The following PSPC1 variants were observed in gnomAD, a reference collection of about 807,000 sequenced individuals.
The protein encoded by PSPC1 is paraspeckle protein 1.
PSPC1 carries 14 observed loss-of-function variants against 51.6 expected under a neutral mutation model. The ratio of observed to expected loss-of-function variants is 0.27; its 90% CI spans 0.18 to 0.42. PSPC1 has a LOEUF of 0.42. PSPC1 is among the 10% of genes least tolerant of loss of function. PSPC1 has a pLI of 1.00. For missense variants in PSPC1, 406 were observed against 701.1 expected, an observed-to-expected ratio of 0.58 and a Z score of 4.75; for synonymous variants, 193 against 231.9, an observed-to-expected ratio of 0.83 and a Z score of 1.53.
At chr13:19,709,513 T>G (rs1248643911) in intron 7 of PSPC1, 29 bp downstream of exon 7, 1 of 1,588,500 alleles carries the variant, frequency 6.3e-7, no homozygotes, top group East Asian at 2.2e-5. Flanking sequence ...AATGATAAAT[T>G]ACAAAAGCCT....
chr13:19,745,852 G>C (rs371281034), intron 4 of PSPC1, among the ~76,000 whole-genome samples: 1 of 151,608 alleles, frequency 6.6e-6, no homozygotes, highest in South Asian at 2.1e-4. Context: ...ATCTCCTGTC[G>C]GCATTAATGT....
chr13:19,696,093 G>A (rs529936594), intron 6 of PSPC1, among the ~76,000 whole-genome samples: 31 of 152,116 alleles, frequency 2.0e-4, no homozygotes, highest in Non-Finnish European at 4.1e-4. Flanking sequence ...AGATAACACT[G>A]ATTGCACCTT....
chr13:19,692,054 A>C (rs909455523), intron 6 of PSPC1, among the ~76,000 whole-genome samples: 1 of 152,198 alleles, frequency 6.6e-6, no homozygotes, highest in Non-Finnish European at 1.5e-5. Flanking sequence ...TCTACCATGT[A>C]GTTGTGATTT....
chr13:19,733,609 A>C (rs959233756), intron 5 of PSPC1, among the ~76,000 whole-genome samples: 5 of 151,702 alleles, frequency 3.3e-5, no homozygotes, highest in Non-Finnish European at 7.4e-5. Context: ...AAAAATACAA[A>C]AAAATTACCC....
At chr13:19,702,499 G>GT (rs1271196658), downstream of PSPC1, 1 of 151,980 alleles carries the variant, frequency 6.6e-6, no homozygotes, top group Non-Finnish European at 1.5e-5. Flanking sequence ...CCTTCAAACA[G>GT]TTTTTTTCAA....
downstream of PSPC1, among the ~76,000 whole-genome samples, chr13:19,699,838 A>T (rs1195882920): frequency 6.6e-6 from 1 of 152,006 alleles, no homozygotes; most frequent in East Asian, 1.9e-4. Context: ...AAGAAGTCTG[A>T]CTTTTTATAT....
At chr13:19,749,767 G>T (rs191420217) in intron 4 of PSPC1, among the ~76,000 whole-genome samples, 7 of 151,842 alleles carry the variant, frequency 4.6e-5, no homozygotes, top group African/African-American at 1.7e-4. Flanking sequence ...AAGTAGCTGG[G>T]ATTACAGGCG....
chr13:19,711,245 T>C (rs1239560166), intron 6 of PSPC1, among the ~76,000 whole-genome samples: 1 of 151,992 alleles, frequency 6.6e-6, no homozygotes, highest in Non-Finnish European at 1.5e-5. Flanking sequence ...TGAGGCGGGG[T>C]GCAGTGGCTC....
intron 7 of PSPC1, chr13:19,675,459 C>T (rs983480804): frequency 6.6e-6 from 1 of 152,162 alleles, no homozygotes; most frequent in African/African-American, 2.4e-5. Flanking sequence ...CTGCAGTTTA[C>T]ACTTATTCTG....
At chr13:19,671,478 A>G (rs974126616), downstream of PSPC1, among the ~76,000 whole-genome samples, 2 of 151,706 alleles carry the variant, frequency 1.3e-5, no homozygotes, top group African/African-American at 4.9e-5. Flanking sequence ...TGCGGCAGGA[A>G]AAGAACTAGG....
At chr13:19,741,486 A>G (rs1245341345) in intron 5 of PSPC1, 79 bp downstream of exon 5, 4 of 1,028,228 alleles carry the variant, frequency 3.9e-6, no homozygotes, top group African/African-American at 3.3e-5. Flanking sequence ...TACTCAACTT[A>G]TACAACTTGT....
chr13:19,728,439 AACACACACACACACAC>A (rs56662113), intron 6 of PSPC1, among the ~76,000 whole-genome samples: 8,939 of 144,346 alleles, frequency 0.062, 342 homozygotes, highest in African/African-American at 0.11. Context: ...TCAAAGCTTA[AACACACACACACACAC>A]ACACACACAC....
chr13:19,760,388 C>T (rs1887502224), intron 2 of PSPC1, among the ~76,000 whole-genome samples: 3 of 151,948 alleles, frequency 2.0e-5, no homozygotes, highest in Non-Finnish European at 2.9e-5. Flanking sequence ...TTTAGCCAGG[C>T]GTGGTGGCAC....
At chr13:19,741,086 C>T (rs548165534) in intron 5 of PSPC1, among the ~76,000 whole-genome samples, 1 of 152,220 alleles carries the variant, frequency 6.6e-6, no homozygotes, top group Non-Finnish European at 1.5e-5. Context: ...GTTGGCCAAG[C>T]TGGTCTCGAA....
chr13:19,765,325 A>AAATAAT (rs1272556494), intron 2 of PSPC1, among the ~76,000 whole-genome samples: 2,232 of 145,410 alleles, frequency 0.015, 59 homozygotes, highest in African/African-American at 0.053. Flanking sequence ...CCCATCTCAA[A>AAATAAT]AATAATAATA....
At chr13:19,763,556 T>C (rs1194541506) in intron 2 of PSPC1, among the ~76,000 whole-genome samples, 1 of 152,198 alleles carries the variant, frequency 6.6e-6, no homozygotes, top group Non-Finnish European at 1.5e-5. Flanking sequence ...TGCATAGCCT[T>C]TGGCTAGGAG....
chr13:19,732,451 T>C (rs1195233503), intron 5 of PSPC1, among the ~76,000 whole-genome samples: 1 of 152,208 alleles, frequency 6.6e-6, no homozygotes, highest in African/African-American at 2.4e-5. Context: ...AATATACTAA[T>C]AATATACTTA....
rs544462158 is a variant in PSPC1 at position 19,769,559 on chromosome 13, A to G, written c.674+2683T>C. Reference sequence around the variant, plus strand: ...CAGAGCGAGACTCCGTCTCAAAAAAAAACCCCGTCTTACTAAAAACACAAA... The same window carrying G: ...CAGAGCGAGACTCCGTCTCAAAAAAGAACCCCGTCTTACTAAAAACACAAA... On this transcript the variant is annotated intron_variant, in intron 2 of 8. Transcript: ENST00000338910. Among the ~76,000 whole-genome samples the G allele has an allele frequency of 1.5e-4, 23 of 151,348 alleles. 1 individual carries two copies. In the East Asian group the frequency reaches 3.9e-3, roughly 26 times the overall value.
At chr13:19,683,711 T>C (rs77406049) in intron 6 of PSPC1, among the ~76,000 whole-genome samples, 1,645 of 152,276 alleles carry the variant, frequency 0.011, 27 homozygotes, top group African/African-American at 0.038. Context: ...AATAAAACCA[T>C]GTTCAGATAT....
Sources: allele counts gnomAD v4.1 joint callset (sites outside exome capture counted in the v4.1 genomes callset), GRCh38; gene constraint gnomAD v4.1.1; transcripts MANE v1.5; gene names NCBI Gene and HGNC (gene_info 2026-07-23, HGNC 2026-07-21).